Variants in PLCH1 observed in about 807,000 individuals in gnomAD.
PLCH1 encodes phospholipase C eta 1.
A neutral mutation model predicts 126.7 loss-of-function variants in PLCH1; 60 were observed. That is an observed-to-expected ratio of 0.47 (90% confidence interval 0.38 to 0.59). The LOEUF (loss-of-function observed/expected upper bound fraction) is 0.59. Among genes scored for constraint, PLCH1 ranks in the 20% least tolerant of loss-of-function variants. PLCH1 has a pLI of 0.00. For synonymous variants in PLCH1, 719 were observed against 734.9 expected (o/e 0.98, Z 0.35); for missense variants, 1,723 against 2,040.0 (o/e 0.84, Z 2.99).
intron 1 of PLCH1, among the ~76,000 whole-genome samples, chr3:155,725,146 C>T (rs1048018536): frequency 6.6e-6 from 1 of 152,122 alleles, no homozygotes; most frequent in African/African-American, 2.4e-5. Flanking sequence ...GACAAATCTG[C>T]TGTTAATCTG....
chr3:155,707,275 G>A (rs151118734), intron 1 of PLCH1, among the ~76,000 whole-genome samples: 229 of 152,314 alleles, frequency 1.5e-3, no homozygotes, highest in African/African-American at 5.1e-3. Context: ...AAGACAACAT[G>A]AGAATAAATG....
intron 8 of PLCH1, among the ~76,000 whole-genome samples, chr3:155,562,578 T>C (rs1727779849): frequency 6.6e-6 from 1 of 152,042 alleles, no homozygotes; most frequent in African/African-American, 2.4e-5. Context: ...TCAAAGGGAG[T>C]CTAAGCATCC....
chr3:155,713,497 C>G (rs1358146275), intron 1 of PLCH1, among the ~76,000 whole-genome samples: 2 of 152,128 alleles, frequency 1.3e-5, no homozygotes, highest in African/African-American at 4.8e-5. Flanking sequence ...TAAAAACTGT[C>G]TGAGAGGTGT....
chr3:155,701,038 C>A (rs12628990), intron 2 of PLCH1, among the ~76,000 whole-genome samples: 16,083 of 152,188 alleles, frequency 0.11, 1,060 homozygotes, highest in African/African-American at 0.19. Flanking sequence ...TACAAAAATT[C>A]ATCATTCCTA....
chr3:155,596,470 C>T lies in PLCH1; in HGVS notation c.80-92G>A, dbSNP rs112227132. Reference sequence around the variant, plus strand: ...AGAGTCAAATAAAACCTCTGATTCACCTGCAAAGACTCCAAGGACCAGAAC... The same window carrying T: ...AGAGTCAAATAAAACCTCTGATTCATCTGCAAAGACTCCAAGGACCAGAAC... On this transcript the variant is annotated intron_variant, in intron 2 of 22. Coordinates refer to ENST00000460012, the MANE Select transcript of PLCH1 (RefSeq NM_014996.4). The T allele has an allele frequency of 4.9e-3, 5,086 of 1,033,650 alleles. 181 individuals carry two copies. The African/African-American group carries it at 0.073, about 15-fold the overall frequency. 64.0% of individuals were successfully genotyped at this position (1,033,650 alleles called of 1,614,324 possible).
At chr3:155,696,580 A>G (rs1262453241) in intron 2 of PLCH1, among the ~76,000 whole-genome samples, 1 of 152,244 alleles carries the variant, frequency 6.6e-6, no homozygotes, top group Non-Finnish European at 1.5e-5. Context: ...AATTATGGAA[A>G]TGCAGCTTCA....
At chr3:155,690,531 G>GT (rs1351795607) in intron 2 of PLCH1, among the ~76,000 whole-genome samples, 1 of 152,096 alleles carries the variant, frequency 6.6e-6, no homozygotes, top group African/African-American at 2.4e-5. Flanking sequence ...ATCTTCATAT[G>GT]TTTTAGACAC....
intron 1 of PLCH1, among the ~76,000 whole-genome samples, chr3:155,711,764 C>A (rs1023102313): frequency 5.3e-5 from 8 of 152,158 alleles, no homozygotes; most frequent in Admixed American, 2.0e-4. Context: ...GAGATCCACA[C>A]GGCCTGTTTC....
At chr3:155,516,611 C>T (rs1720354473) in intron 11 of PLCH1, among the ~76,000 whole-genome samples, 1 of 152,066 alleles carries the variant, frequency 6.6e-6, no homozygotes, top group South Asian at 2.1e-4. Context: ...ATTAATCTGG[C>T]AGCGTATGCC....
rs11926745 is a variant in PLCH1 at position 155,516,969 on chromosome 3, G to A, written c.1471-2085C>T. 6.0e-3 allele frequency among the ~76,000 whole-genome samples: 910 copies of A among 152,234 alleles called. 9 individuals are homozygous for A. Among genetic ancestry groups the A allele is most frequent in the African/African-American group, 0.02 (845 of 41,530 alleles). On this transcript the variant is annotated intron_variant, in intron 11 of 22. Coordinates refer to ENST00000460012, the MANE Select transcript of PLCH1 (RefSeq NM_014996.4). ...GGGGAATCGGGGGACAATTCCAGGA[G>A]CATAAGAAACCTGAGTCAAGCCTTA...
chr3:155,502,851 G>A (rs1718109346), intron 13 of PLCH1, among the ~76,000 whole-genome samples: 1 of 152,264 alleles, frequency 6.6e-6, no homozygotes, highest in South Asian at 2.1e-4. Context: ...CATTTTGGTT[G>A]TTTTCAATAT....
intron 2 of PLCH1, among the ~76,000 whole-genome samples, chr3:155,649,567 C>A (rs1326423384): frequency 6.6e-6 from 1 of 152,190 alleles, no homozygotes; most frequent in African/African-American, 2.4e-5. Flanking sequence ...CAGTTCCCCC[C>A]CATATCACAC....
chr3:155,472,334 T>C (rs538569541), intron 21 of PLCH1, among the ~76,000 whole-genome samples: 87 of 152,290 alleles, frequency 5.7e-4, no homozygotes, highest in South Asian at 1.9e-3. Flanking sequence ...CTAGAAGACA[T>C]GGATAAATTC....
chr3:155,539,083 T>C (rs1000141560), intron 10 of PLCH1, among the ~76,000 whole-genome samples: 1 of 151,746 alleles, frequency 6.6e-6, no homozygotes, highest in Non-Finnish European at 1.5e-5. Context: ...ATACCAAGGA[T>C]GCAGGGATGG....
At chr3:155,598,491 C>A (rs1733284990) in intron 2 of PLCH1, among the ~76,000 whole-genome samples, 1 of 152,180 alleles carries the variant, frequency 6.6e-6, no homozygotes, top group South Asian at 2.1e-4. Context: ...TGTTTATAGA[C>A]AAACTCCCTG....
Position 155,691,770 on chromosome 3 carries a change from C to G in PLCH1, c.79+12376G>C, listed in dbSNP as rs1190561075. Among the ~76,000 whole-genome samples the G allele has an allele frequency of 2.6e-5, 4 of 152,180 alleles. No homozygotes were observed. In the East Asian group the frequency reaches 7.7e-4, roughly 29 times the overall value. On this transcript the variant is annotated intron_variant, in intron 2 of 22. Coordinates refer to ENST00000460012, the MANE Select transcript of PLCH1 (RefSeq NM_014996.4). Reference sequence around the variant, plus strand: ...CCTGCATTTCATATTTCTTTCTGTGCCAATTCTTCAAATTATCCTACTGTG... The same window carrying G: ...CCTGCATTTCATATTTCTTTCTGTGGCAATTCTTCAAATTATCCTACTGTG...
intron 2 of PLCH1, among the ~76,000 whole-genome samples, chr3:155,662,327 T>C (rs1742259956): frequency 6.6e-6 from 1 of 151,956 alleles, no homozygotes; most frequent in South Asian, 2.1e-4. Context: ...AATTAGCTAG[T>C]CATAGTGGTG....
At chr3:155,655,640 A>G (rs866318993) in intron 2 of PLCH1, among the ~76,000 whole-genome samples, 2 of 152,108 alleles carry the variant, frequency 1.3e-5, no homozygotes, top group African/African-American at 4.8e-5. Context: ...CAATACTACA[A>G]ACTTCCATGT....
chr3:155,527,375 C>G (rs923735700), intron 10 of PLCH1, among the ~76,000 whole-genome samples: 6 of 152,200 alleles, frequency 3.9e-5, no homozygotes, highest in African/African-American at 1.4e-4. Context: ...CTGGATCCCC[C>G]CTTACCCGCT....
Sources: gnomAD v4.1 joint callset for allele counts (sites outside exome capture counted in the v4.1 genomes callset) on GRCh38, gnomAD v4.1.1 for gene constraint, MANE v1.5 for transcripts, NCBI Gene and HGNC (gene_info 2026-07-23, HGNC 2026-07-21) for gene names.